The following PID1 variants were observed in gnomAD, a reference collection of about 807,000 sequenced individuals.
PID1 encodes PTB-containing, cubilin and LRP1-interacting protein.
Under a neutral mutation model 19.1 loss-of-function variants are expected in PID1, and 10 were observed. The ratio of observed to expected loss-of-function variants is 0.52; its 90% confidence interval spans 0.32 to 0.89. The LOEUF is 0.89. Among genes scored for constraint, PID1 ranks in the 40% least tolerant of loss-of-function variants. PID1 has a pLI of 0.03. For synonymous variants in PID1, 130 were observed against 116.0 expected (o/e 1.12, Z -0.78); for missense variants, 248 against 285.3 (o/e 0.87, Z 0.94).
intron 1 of PID1, among the ~76,000 whole-genome samples, chr2:229,161,140 A>G (rs1344876380): frequency 2.0e-5 from 3 of 152,234 alleles, no homozygotes; most frequent in African/African-American, 4.8e-5. Flanking sequence ...GGTTCAGAGG[A>G]AACTCAAGAC....
chr2:229,108,732 G>A (rs1467783003), intron 2 of PID1, among the ~76,000 whole-genome samples: 1 of 152,138 alleles, frequency 6.6e-6, no homozygotes, highest in Non-Finnish European at 1.5e-5. Context: ...AAGGAAGCAG[G>A]GAGAGGCCAG....
At chr2:229,076,424 G>T (rs1694559011) in intron 2 of PID1, among the ~76,000 whole-genome samples, 1 of 151,512 alleles carries the variant, frequency 6.6e-6, no homozygotes, top group African/African-American at 2.4e-5. Flanking sequence ...TTTAAGTTCT[G>T]GGATAACTGT....
In PID1 at chr2:229,130,765, G is replaced by A. The variant is rs1216925855; in HGVS notation, c.177+25053C>T. Among the ~76,000 whole-genome samples the A allele has an allele frequency of 7.9e-5, 12 of 152,178 alleles. No homozygotes were observed. In the South Asian group the frequency reaches 1.4e-3, roughly 18 times the overall value. On this transcript the variant is annotated intron_variant, in intron 2 of 2. Coordinates refer to ENST00000392055, the MANE Select transcript of PID1 (RefSeq NM_001100818.2). ...AGTGTTAGCTAAACTCAGTGGCAAC[G>A]TCTGCAATGTCTGATGGGTTATTTC...
At chr2:229,174,693 C>A (rs1368397031) in intron 1 of PID1, among the ~76,000 whole-genome samples, 2 of 141,826 alleles carry the variant, frequency 1.4e-5, no homozygotes, top group African/African-American at 5.3e-5. Flanking sequence ...AACCCCAGAA[C>A]CAAGCTTCCT....
intron 2 of PID1, among the ~76,000 whole-genome samples, chr2:229,028,233 T>C (rs1693467766): frequency 6.6e-6 from 1 of 152,346 alleles, no homozygotes; most frequent in African/African-American, 2.4e-5. Flanking sequence ...CTTGGGGAGA[T>C]AACCTAAGTT....
intron 2 of PID1, among the ~76,000 whole-genome samples, chr2:229,068,273 G>A (rs1694372852): frequency 6.6e-6 from 1 of 152,168 alleles, no homozygotes; most frequent in Non-Finnish European, 1.5e-5. Flanking sequence ...TGTTGGGAAA[G>A]TCTCCACAGT....
intron 1 of PID1, among the ~76,000 whole-genome samples, chr2:229,211,715 C>T (rs561267811): frequency 2.0e-5 from 3 of 152,282 alleles, no homozygotes; most frequent in Admixed American, 6.5e-5. Context: ...CTTTCCTTCC[C>T]ACTATTGCCA....
At chr2:229,147,948 G>A (rs1021765544) in intron 2 of PID1, among the ~76,000 whole-genome samples, 5 of 152,158 alleles carry the variant, frequency 3.3e-5, no homozygotes, top group African/African-American at 1.2e-4. Flanking sequence ...TCTCCAGAGA[G>A]TCCCTCCATG....
chr2:229,268,523 T>G (rs1273422521), intron 1 of PID1, among the ~76,000 whole-genome samples: 1 of 152,336 alleles, frequency 6.6e-6, no homozygotes, highest in Middle Eastern at 3.4e-3. Context: ...GACTCCTTAG[T>G]CCTATTAGGA....
At chr2:229,230,147 C>T (rs12612190) in intron 1 of PID1, among the ~76,000 whole-genome samples, 1 of 151,950 alleles carries the variant, frequency 6.6e-6, no homozygotes, top group African/African-American at 2.4e-5. Flanking sequence ...GCCTGGGAAA[C>T]GGGGCCAATC....
At chr2:229,142,587 A>G (rs1321319306) in intron 2 of PID1, among the ~76,000 whole-genome samples, 1 of 152,210 alleles carries the variant, frequency 6.6e-6, no homozygotes, top group Non-Finnish European at 1.5e-5. Context: ...CAAAAAACAC[A>G]TGAAAAAATG....
chr2:229,238,788 A>G (rs1689789677), intron 1 of PID1, among the ~76,000 whole-genome samples: 1 of 152,142 alleles, frequency 6.6e-6, no homozygotes, highest in Non-Finnish European at 1.5e-5. Context: ...AGTGGGCTGC[A>G]GCATGGGTGC....
At chr2:229,181,332 C>T (rs1459202688) in intron 1 of PID1, among the ~76,000 whole-genome samples, 1 of 151,758 alleles carries the variant, frequency 6.6e-6, no homozygotes, top group East Asian at 1.9e-4. Flanking sequence ...CAAGAGTCTA[C>T]TTTGGTTGAA....
intron 2 of PID1, among the ~76,000 whole-genome samples, chr2:229,124,322 A>T (rs1297294449): frequency 6.6e-6 from 1 of 152,132 alleles, no homozygotes; most frequent in East Asian, 1.9e-4. Context: ...ACCTGGGATA[A>T]CTCCATTTTA....
intron 1 of PID1, among the ~76,000 whole-genome samples, chr2:229,182,332 T>C (rs908020425): frequency 6.6e-6 from 1 of 152,122 alleles, no homozygotes; most frequent in African/African-American, 2.4e-5. Flanking sequence ...AGAGAGTATA[T>C]GGAACTTTCT....
chr2:229,203,242 C>T (rs759181137), intron 1 of PID1, among the ~76,000 whole-genome samples: 26 of 151,986 alleles, frequency 1.7e-4, no homozygotes, highest in Non-Finnish European at 3.4e-4. Flanking sequence ...GTAATAGGAT[C>T]AGTGTTCAGC....
chr2:229,092,482 C>A (rs1694895877), intron 2 of PID1, among the ~76,000 whole-genome samples: 1 of 152,254 alleles, frequency 6.6e-6, no homozygotes, highest in Non-Finnish European at 1.5e-5. Context: ...GTGCAGCTGG[C>A]CTTCCTTGAG....
chr2:229,184,907 C>G (rs1691085368), intron 1 of PID1, among the ~76,000 whole-genome samples: 1 of 140,964 alleles, frequency 7.1e-6, no homozygotes, highest in African/African-American at 2.6e-5. Context: ...ATATATGTAT[C>G]CCATATATAT....
intron 1 of PID1, among the ~76,000 whole-genome samples, chr2:229,247,921 T>A (rs891326071): frequency 6.6e-6 from 1 of 152,188 alleles, no homozygotes; most frequent in Non-Finnish European, 1.5e-5. Flanking sequence ...TCATTCTCAC[T>A]TATTCACTTT....
Sources: allele counts gnomAD v4.1 joint callset (sites outside exome capture counted in the v4.1 genomes callset), GRCh38; gene constraint gnomAD v4.1.1; transcripts MANE v1.5; gene names NCBI Gene and HGNC (gene_info 2026-07-23, HGNC 2026-07-21).